The following CDH12 variants were observed in gnomAD, a reference collection of about 807,000 sequenced individuals.
CDH12 encodes the protein cadherin 12, also known as cadherin-12.
In CDH12, 41 loss-of-function variants were observed where a neutral mutation model predicts 74.1. The observed-to-expected ratio is 0.55, with a 90% confidence interval of 0.43 to 0.72. CDH12 has a LOEUF of 0.72. Among genes scored for constraint, CDH12 ranks in the 30% least tolerant of loss-of-function variants. The pLI is 0.00. For synonymous variants in CDH12, 399 were observed against 355.0 expected (o/e 1.12, Z -1.39); for missense variants, 945 against 977.2 (o/e 0.97, Z 0.44).
intron 3 of CDH12, among the ~76,000 whole-genome samples, chr5:22,402,429 T>A (rs1398057033): frequency 1.3e-5 from 2 of 152,320 alleles, no homozygotes; most frequent in East Asian, 1.9e-4. Context: ...AGATCCTTGC[T>A]AGAAAGTAGC....
At chr5:22,530,294 C>A (rs945675255) in intron 1 of CDH12, among the ~76,000 whole-genome samples, 2 of 152,016 alleles carry the variant, frequency 1.3e-5, no homozygotes, top group African/African-American at 4.8e-5. Flanking sequence ...TTTTGCTTTG[C>A]CATATATTTA....
rs546315341 is a variant in CDH12 at position 21,960,708 on chromosome 5, C to G, written c.526+14383G>C. ...TATATACAAATGACTTATACACACA[C>G]ATACACACACGCACATACACACACA... On this transcript the variant is annotated intron_variant, in intron 6 of 14. Transcript: ENST00000382254. 5.3e-5 allele frequency among the ~76,000 whole-genome samples: 8 copies of G among 152,062 alleles called. No individual in the cohort carries two copies. The South Asian group carries it at 1.7e-3, about 31-fold the overall frequency.
At chr5:22,814,725 T>C (rs953289637) in intron 1 of CDH12, among the ~76,000 whole-genome samples, 2 of 152,272 alleles carry the variant, frequency 1.3e-5, no homozygotes, top group African/African-American at 4.8e-5. Context: ...ACATAGCTAT[T>C]AACTGTTTTC....
At chr5:22,342,836 TTCTG>T (rs376667284) in intron 3 of CDH12, among the ~76,000 whole-genome samples, 4,564 of 148,116 alleles carry the variant, frequency 0.031, 124 homozygotes, top group East Asian at 0.11. Context: ...CTGTCTCTCT[TTCTG>T]TCTGTCTGTC....
rs549531161 is a variant in CDH12, at chr5:22,770,445, T to C, written c.-523+82613A>G. ...GCTTCAGTTGGCAAGAATTGAGTTT[T>C]TTGGTCCATTACAACCATAAAAATT... On this transcript the variant is annotated intron_variant, in intron 1 of 14. Transcript: ENST00000382254. Among the ~76,000 whole-genome samples, 14 of 152,248 alleles carry C rather than the reference T, an allele frequency of 9.2e-5. No homozygotes were observed. In the South Asian group the frequency reaches 1.4e-3, roughly 16 times the overall value.
intron 6 of CDH12, among the ~76,000 whole-genome samples, chr5:21,907,029 G>A (rs539528085): frequency 1.3e-5 from 2 of 152,174 alleles, no homozygotes; most frequent in South Asian, 2.1e-4. Flanking sequence ...CAGCGACTGC[G>A]CTAAACCGGC....
intron 1 of CDH12, among the ~76,000 whole-genome samples, chr5:22,750,842 A>T (rs1745531327): frequency 6.6e-6 from 1 of 151,960 alleles, no homozygotes; most frequent in African/African-American, 2.4e-5. Context: ...GTAGCTCAGA[A>T]GTCAGGTCCC....
chr5:22,507,001 T>G (rs2126665392), intron 1 of CDH12, among the ~76,000 whole-genome samples: 1 of 152,300 alleles, frequency 6.6e-6, no homozygotes, highest in Non-Finnish European at 1.5e-5. Flanking sequence ...GAGTGATTCT[T>G]ATAAAGATGT....
intron 1 of CDH12, among the ~76,000 whole-genome samples, chr5:22,593,526 A>C (rs1259977379): frequency 6.6e-6 from 1 of 152,076 alleles, no homozygotes; most frequent in Non-Finnish European, 1.5e-5. Context: ...CTCTGCTCTC[A>C]TTTATTTTCC....
At chr5:22,666,280 A>ATTTTTTTTTTTT (rs1740609513) in intron 1 of CDH12, among the ~76,000 whole-genome samples, 4 of 115,070 alleles carry the variant, frequency 3.5e-5, no homozygotes, top group Admixed American at 1.1e-4. Flanking sequence ...GTATCTCTCT[A>ATTTTTTTTTTTT]TCTTTTTTTT....
At chr5:22,411,287 T>C (rs907155317) in intron 2 of CDH12, among the ~76,000 whole-genome samples, 2 of 151,996 alleles carry the variant, frequency 1.3e-5, no homozygotes, top group African/African-American at 2.4e-5. Context: ...CCAGGGACTG[T>C]ATAGTATTGC....
At chr5:22,292,719 T>C (rs568794828) in intron 3 of CDH12, among the ~76,000 whole-genome samples, 1 of 152,158 alleles carries the variant, frequency 6.6e-6, no homozygotes, top group South Asian at 2.1e-4. Context: ...CCTGTTACTG[T>C]GGCTATTATC....
intron 4 of CDH12, among the ~76,000 whole-genome samples, chr5:22,136,891 T>C (rs1409563047): frequency 6.6e-6 from 1 of 151,670 alleles, no homozygotes; most frequent in Non-Finnish European, 1.5e-5. Flanking sequence ...GCAGAATAAA[T>C]GAATGAATAA....
At chr5:21,780,800 G>C (rs548443304) in intron 11 of CDH12, among the ~76,000 whole-genome samples, 1 of 152,080 alleles carries the variant, frequency 6.6e-6, no homozygotes, top group African/African-American at 2.4e-5. Flanking sequence ...CTTATAAAAC[G>C]AAAGTGGATT....
At chr5:22,784,825 G>A (rs1747546313) in intron 1 of CDH12, among the ~76,000 whole-genome samples, 1 of 152,096 alleles carries the variant, frequency 6.6e-6, no homozygotes, top group African/African-American at 2.4e-5. Context: ...TACCTTTTAT[G>A]TATGGCAAGT....
chr5:22,637,154 T>G (rs1269051370), intron 1 of CDH12, among the ~76,000 whole-genome samples: 1 of 152,250 alleles, frequency 6.6e-6, no homozygotes, highest in African/African-American at 2.4e-5. Context: ...ATGTATTATA[T>G]TCATACATAC....
chr5:22,120,101 T>C (rs574113670), intron 4 of CDH12, among the ~76,000 whole-genome samples: 1 of 152,312 alleles, frequency 6.6e-6, no homozygotes, highest in African/African-American at 2.4e-5. Flanking sequence ...TTCAGCTTTG[T>C]ACAAAACTGA....
intron 11 of CDH12, among the ~76,000 whole-genome samples, chr5:21,768,233 A>G (rs1463403677): frequency 6.6e-6 from 1 of 151,812 alleles, no homozygotes; most frequent in African/African-American, 2.4e-5. Flanking sequence ...TTTAATAGCT[A>G]GTTACTAATT....
intron 3 of CDH12, among the ~76,000 whole-genome samples, chr5:22,383,877 A>T (rs190804455): frequency 6.6e-6 from 1 of 152,254 alleles, no homozygotes; most frequent in African/African-American, 2.4e-5. Context: ...AGGACTGTGT[A>T]ATGTATACAA....
Sources: gnomAD v4.1 joint callset for allele counts (sites outside exome capture counted in the v4.1 genomes callset) on GRCh38, gnomAD v4.1.1 for gene constraint, MANE v1.5 for transcripts, NCBI Gene and HGNC (gene_info 2026-07-23, HGNC 2026-07-21) for gene names.